The following SLC10A3 variants were observed in gnomAD, a reference collection of about 807,000 sequenced individuals.
The protein encoded by SLC10A3 is solute carrier family 10 member 3, also known as P3 protein.
A neutral mutation model predicts 1.9 loss-of-function variants in SLC10A3; 1 was observed. The ratio of observed to expected loss-of-function variants is 0.52; its 90% CI spans 0.19 to 2.48. The LOEUF (loss-of-function observed/expected upper bound fraction) is 2.48, where lower values mean the gene tolerates loss of function less well. Among genes scored for constraint, SLC10A3 ranks in the 30% most tolerant of loss-of-function variants. SLC10A3 has a pLI of 0.25. For missense variants in SLC10A3, 317 were observed against 398.5 expected, an observed-to-expected ratio of 0.80 and a Z score of 1.74; for synonymous variants, 202 against 189.3, an observed-to-expected ratio of 1.07 and a Z score of -0.55.
Position 154,487,503 on chromosome X carries a change from G to A in SLC10A3, c.*4C>T, listed in dbSNP as rs1557213214. The A allele has an allele frequency of 8.3e-7, 1 of 1,211,075 alleles. No individual in the cohort carries two copies. The highest frequency in any genetic ancestry group is 2.2e-5 in the Admixed American group (1 of 46,093). ...GGGGCTGATGAAAGCTTGACCCAGA[G>A]GCCTCAGGGAACTGGGAACAGGCTG... On this transcript the variant is annotated 3_prime_UTR_variant, in exon 2 of 2. Coordinates refer to ENST00000651600, the MANE Select transcript of SLC10A3 (RefSeq NM_019848.5).
In SLC10A3 at chrX:154,487,900, G is replaced by C. The variant is rs1557213461; in HGVS notation, c.1041C>G (p.Phe347Leu). 8 of 1,211,724 alleles carry C rather than the reference G, an allele frequency of 6.6e-6. No individual in the cohort carries two copies. The highest frequency in any genetic ancestry group is 8.9e-6 in the Non-Finnish European group (8 of 895,639). Reference sequence around the variant, plus strand: ...TGACGACCTGCAGCAGCAGCTGGGAGAACTTGGGGAGCTTGGACTTGATCA... The same window carrying C: ...TGACGACCTGCAGCAGCAGCTGGGACAACTTGGGGAGCTTGGACTTGATCA... Reference protein sequence around the residue: ...GVLIKSKLPKFSQLLLQVVKP... With the variant: ...GVLIKSKLPKLSQLLLQVVKP... The change falls in exon 2 of 2, where the codon TTC (phenylalanine) becomes TTG (leucine). Residue 347 changes from phenylalanine to leucine, a missense_variant. Transcript: ENST00000651600.
At position 154,487,852 on chromosome X, in the gene SLC10A3, G is replaced by A; in HGVS notation, c.1089C>T (p.Leu363=). The change falls in exon 2 of 2, where the codon CTC becomes CTT. Residue 363 remains leucine (L), a synonymous_variant. Coordinates refer to ENST00000651600, the MANE Select transcript of SLC10A3 (RefSeq NM_019848.5). ...QVVKPFSFVL[L]LGGLFLAYRM... is the part of the protein sequence containing the mutation. ...GATAGGCCAGGAAGAGGCCGCCCAG[G>A]AGGAGCACAAAGCTGAAGGGCTTGA... is the stretch of plus-strand genomic sequence containing the variant. 1 of 1,211,537 alleles carries A rather than the reference G, an allele frequency of 8.3e-7. No individual in the cohort carries two copies.
intron 1 of SLC10A3, chrX:154,489,831 A>G: frequency 1.0e-6 from 1 of 959,976 alleles, no homozygotes; most frequent in South Asian, 4.3e-5. Context: ...GGGGTGAGGC[A>G]GAAGTAGGGA....
rs145077103 is a variant in SLC10A3, at chrX:154,488,176, A to G, written c.765T>C (p.Ala255=). The G allele has an allele frequency of 3.3e-6, 4 of 1,209,092 alleles. No homozygotes were observed. The African/African-American group carries it at 7.0e-5, about 21-fold the overall frequency. ...AKVFMLPKAL[A]LGLIITCSSP... ...ACGAGCAGGTGATGATGAGGCCCAG[A>G]GCCAGGGCCTTGGGCAGCATGAAGA... Residue 255 remains alanine, a synonymous_variant, in exon 2 of 2, where the codon GCT becomes GCC. Coordinates refer to ENST00000651600, the MANE Select transcript of SLC10A3 (RefSeq NM_019848.5).
Position 154,487,783 on chromosome X carries a change from T to C in SLC10A3, c.1158A>G (p.Val386=). 1 of 1,210,145 alleles carries C rather than the reference T, an allele frequency of 8.3e-7. No individual in the cohort carries two copies. Among genetic ancestry groups the C allele is most frequent in the Non-Finnish European group, 1.1e-6 (1 of 895,139 alleles). ...CCAGGGGCACCGTGATACCCACCAGTACGATGGGTAGCCGGATGCCTGCCA... is the reference window on the plus strand; with the variant it reads ...CCAGGGGCACCGTGATACCCACCAGCACGATGGGTAGCCGGATGCCTGCCA... ...FILAGIRLPI[V]LVGITVPLVG... is the part of the protein sequence containing the mutation. The change falls in exon 2 of 2, where the codon GTA becomes GTG. Residue 386 remains valine, a synonymous_variant. Transcript: ENST00000651600.
At position 154,490,620 on chromosome X, in the gene SLC10A3, T is replaced by TCGG. The variant is rs2069371772; in HGVS notation, c.-457_-456insCCG. The TCGG allele has an allele frequency of 8.9e-6, 1 of 112,661 alleles. No individual in the cohort carries two copies. Among genetic ancestry groups the TCGG allele is most frequent in the Non-Finnish European group, 1.9e-5 (1 of 53,261 alleles). The allele number at this position is 112,661 out of a possible 1,213,427, so 9.3% of individuals were successfully genotyped here. A position where few individuals can be genotyped will look rare whatever the true frequency, so the allele number is the denominator to read the frequency against. ...TGCCACAGCCACCGCGCAGCTTAGC[T>TCGG]GCAGCGTCTGCCTGGCCGGCAGTCG... is the stretch of plus-strand genomic sequence containing the variant. On this transcript the variant is annotated 5_prime_UTR_variant, in exon 1 of 2. Transcript: ENST00000651600.
At position 154,488,645 on chromosome X, in the gene SLC10A3, G is replaced by A. The variant is rs374139250; in HGVS notation, c.296C>T (p.Thr99Met). ...GACCCTGAGCATGGGGCCAGGCGCC[G>A]TCCTGTTGGCCTGGCCTGGGTACTG... ...SSQYPGQANR[T>M]APGPMLRVTS... Residue 99 changes from threonine to methionine, a missense_variant, in exon 2 of 2, where the codon ACG (threonine) becomes ATG (methionine). Transcript: ENST00000651600. 47 of 1,209,590 alleles carry A rather than the reference G, an allele frequency of 3.9e-5. No homozygotes were observed. The highest frequency in any genetic ancestry group is 2.6e-4 in the South Asian group (15 of 56,875).
intron 1 of SLC10A3, 121 bp from the exon 2 acceptor site, chrX:154,489,203 T>A: frequency 8.9e-7 from 1 of 1,128,156 alleles, no homozygotes; most frequent in East Asian, 3.3e-5. Flanking sequence ...AGCATGGGGA[T>A]CTGGAAGCCC....
At position 154,487,608 on chromosome X, in the gene SLC10A3, C is replaced by T. The variant is rs2069316775; in HGVS notation, c.1333G>A (p.Ala445Thr). 1 of 1,209,168 alleles carries T rather than the reference C, an allele frequency of 8.3e-7. No individual in the cohort carries two copies. Among genetic ancestry groups the T allele is most frequent in the Non-Finnish European group, 1.1e-6 (1 of 895,069 alleles). The part of the protein sequence containing the change: ...LSLRRLQADY[A>T]SQAPFIVALS... ...GCCACAATGAAGGGGGCCTGGGAGG[C>T]ATAGTCAGCTTGAAGGCGGCGGAGG... The change falls in exon 2 of 2, where the codon GCC becomes ACC. Residue 445 changes from alanine (A) to threonine (T), a missense_variant. Transcript: ENST00000651600.
chrX:154,488,140 G>T lies in SLC10A3; in HGVS notation c.801C>A (p.Gly267=), dbSNP rs782749728. Residue 267 remains glycine, a synonymous_variant, in exon 2 of 2, where the codon GGC becomes GGA. Transcript: ENST00000651600. ...GLIITCSSPG[G]GGSYLFSLLL... ...GGAGGCTGAAGAGGTAGCTCCCCCC[G>T]CCGCCAGGCGACGAGCAGGTGATGA... The T allele has an allele frequency of 8.3e-7, 1 of 1,209,454 alleles. No homozygotes were observed. The highest frequency in any genetic ancestry group is 1.7e-5 in the African/African-American group (1 of 57,222).
chrX:154,488,887 G>T lies in SLC10A3; in HGVS notation c.54C>A (p.Gly18=). Residue 18 remains glycine, a synonymous_variant, in exon 2 of 2, where the codon GGC becomes GGA. Transcript: ENST00000651600. ...GSSQQWPGLG[G]EGGGTGPLSM... ...TTAAGGGACCTGTGCCACCACCCTC[G>T]CCCCCCAGACCAGGCCACTGCTGAG... 1 of 1,209,924 alleles carries T rather than the reference G, an allele frequency of 8.3e-7. No individual in the cohort carries two copies.
In SLC10A3 at chrX:154,490,430, G is replaced by T. The variant is rs2069368570; in HGVS notation, c.-266C>A. 1.5e-6 allele frequency: 1 copy of T among 681,857 alleles called. No individual in the cohort carries two copies. The highest frequency in any genetic ancestry group is 1.7e-6 in the Non-Finnish European group (1 of 573,320). 56.2% of individuals were successfully genotyped at this position (681,857 alleles called of 1,213,427 possible). On this transcript the variant is annotated 5_prime_UTR_variant, in exon 1 of 2. Transcript: ENST00000651600. ...ACCCGCTCGGGCCGTCTCGGAGTCT[G>T]GGGGGGCCCCTTACGCCATTCCTGG...
rs782651419 is a variant in SLC10A3, at chrX:154,488,038, CAG to C, written c.901_902del (p.Leu301ValfsTer13). ...STVAATGFLP[L>X]SSAIYSRLLS... ...GCAGGCGGCTGTAGATGGCCGAAGACAGAGGCAAGAAGCCAGTGGCAGCCACC... is the reference window on the plus strand; with the variant it reads ...GCAGGCGGCTGTAGATGGCCGAAGACAGGCAAGAAGCCAGTGGCAGCCACC... On this transcript the variant is annotated frameshift_variant, in exon 2 of 2. Coordinates refer to ENST00000651600, the MANE Select transcript of SLC10A3 (RefSeq NM_019848.5). LOFTEE classifies it low-confidence loss of function (END_TRUNC). 13 of 1,209,721 alleles carry C rather than the reference CAG, an allele frequency of 1.1e-5. No homozygotes were observed. The highest frequency in any genetic ancestry group is 1.5e-5 in the Non-Finnish European group (13 of 895,175).
Position 154,487,925 on chromosome X carries a change from A to C in SLC10A3, c.1016T>G (p.Leu339Arg), listed in dbSNP as rs2069324147. ...FIAIPIAVGV[L>R]IKSKLPKFSQ... is the part of the protein sequence containing the mutation. ...GAACTTGGGGAGCTTGGACTTGATC[A>C]GCACGCCCACGGCTATGGGGATGGC... The change falls in exon 2 of 2, where the codon CTG becomes CGG. Residue 339 changes from leucine (L) to arginine (R), a missense_variant. Physicochemically the swap from Leu to Arg is moderately radical, Grantham distance 102. Coordinates refer to ENST00000651600, the MANE Select transcript of SLC10A3 (RefSeq NM_019848.5). 1 of 1,211,700 alleles carries C rather than the reference A, an allele frequency of 8.3e-7. No individual in the cohort carries two copies. The highest frequency in any genetic ancestry group is 1.1e-6 in the Non-Finnish European group (1 of 895,569).
intron 1 of SLC10A3, 150 bp downstream of exon 1, chrX:154,490,157 G>T: frequency 2.2e-6 from 2 of 930,017 alleles, no homozygotes; most frequent in Non-Finnish European, 2.7e-6. Context: ...ACTCCAAGAG[G>T]GGTTTGGCCC....
In SLC10A3 at chrX:154,487,582, C is replaced by A. The variant is rs1557213270; in HGVS notation, c.1359G>T (p.Ala453=). The change falls in exon 2 of 2, where the codon GCG becomes GCT. Residue 453 remains alanine, a synonymous_variant. Transcript: ENST00000651600. ...DYASQAPFIV[A]LSGTSEMLAL... Reference sequence around the variant, plus strand: ...CCAGCATCTCGGAGGTGCCGCTCAGCGCCACAATGAAGGGGGCCTGGGAGG... The same window carrying A: ...CCAGCATCTCGGAGGTGCCGCTCAGAGCCACAATGAAGGGGGCCTGGGAGG... 9.9e-6 allele frequency: 12 copies of A among 1,210,224 alleles called. No individual in the cohort carries two copies. Among genetic ancestry groups the A allele is most frequent in the Non-Finnish European group, 1.2e-5 (11 of 895,130 alleles).
chrX:154,490,350 G>A lies in SLC10A3; in HGVS notation c.-186C>T. On this transcript the variant is annotated 5_prime_UTR_variant, in exon 1 of 2. Transcript: ENST00000651600. ...TCGGACGGGTGGCTAGCAGAGCTCG[G>A]GCGCGAACCTGGGAGGGAGGAAAGG... 1.3e-6 allele frequency: 1 copy of A among 766,587 alleles called. No individual in the cohort carries two copies. Among genetic ancestry groups the A allele is most frequent in the Non-Finnish European group, 1.5e-6 (1 of 647,443 alleles). The allele number at this position is 766,587 out of a possible 1,213,427, so 63.2% of individuals were successfully genotyped here. A position where few individuals can be genotyped will look rare whatever the true frequency, so the allele number is the denominator to read the frequency against.
rs1434886424 is a variant in SLC10A3, at chrX:154,487,707, C to T, written c.1234G>A (p.Ala412Thr). 1 of 1,209,306 alleles carries T rather than the reference C, an allele frequency of 8.3e-7. No homozygotes were observed. The highest frequency in any genetic ancestry group is 1.7e-5 in the African/African-American group (1 of 57,446). The change falls in exon 2 of 2, where the codon GCC becomes ACC. Residue 412 changes from alanine (A) to threonine (T), a missense_variant. Ala to Thr is a moderately conservative substitution (Grantham distance 58). Transcript: ENST00000651600. ...CLATCLKLPV[A>T]QRRTVSIEVG... ...TCAATGCTGACCGTCCGCCGCTGGG[C>T]CACTGGCAGCTTCAGACACGTGGCT...
At position 154,490,425 on chromosome X, in the gene SLC10A3, A is replaced by G; in HGVS notation, c.-261T>C. ...CGGCGACCCGCTCGGGCCGTCTCGG[A>G]GTCTGGGGGGGCCCCTTACGCCATT... On this transcript the variant is annotated 5_prime_UTR_variant, in exon 1 of 2. Transcript: ENST00000651600. The G allele has an allele frequency of 4.3e-6, 3 of 701,765 alleles. No homozygotes were observed. Among genetic ancestry groups the G allele is most frequent in the Non-Finnish European group, 5.1e-6 (3 of 591,838 alleles). 57.8% of individuals were successfully genotyped at this position (701,765 alleles called of 1,213,427 possible).
Sources: allele counts gnomAD v4.1 joint callset, GRCh38; gene constraint gnomAD v4.1.1; transcripts MANE v1.5; gene names NCBI Gene and HGNC (gene_info 2026-07-23, HGNC 2026-07-21).